TEX14: variants seen among roughly 807,000 people sequenced by gnomAD.
TEX14 encodes the protein testis expressed 14, intercellular bridge forming factor, also known as inactive serine/threonine-protein kinase TEX14.
A neutral mutation model predicts 178.6 loss-of-function variants in TEX14; 168 were observed. That is an observed-to-expected ratio of 0.94 (90% CI 0.83 to 1.07). The LOEUF (loss-of-function observed/expected upper bound fraction) is 1.07. TEX14 is among the 50% of genes least tolerant of loss of function. TEX14 has a pLI of 0.00. For synonymous variants in TEX14, 626 were observed against 634.1 expected (o/e 0.99, Z 0.19); for missense variants, 1,730 against 1,753.6 (o/e 0.99, Z 0.24).
chr17:58,640,525 G>A (rs897860001), intron 2 of TEX14, among the ~76,000 whole-genome samples: 2 of 151,864 alleles, frequency 1.3e-5, no homozygotes, highest in African/African-American at 2.4e-5. Flanking sequence ...GTTTTTCTAC[G>A]TGCTAAGCAC....
At chr17:58,657,468 A>G (rs185112801) in intron 1 of TEX14, among the ~76,000 whole-genome samples, 30 of 107,804 alleles carry the variant, frequency 2.8e-4, no homozygotes, top group Non-Finnish European at 4.4e-4. Context: ...TGTCATGTGT[A>G]TATTATAATT....
intron 19 of TEX14, among the ~76,000 whole-genome samples, chr17:58,581,441 C>T (rs1016781836): frequency 6.6e-6 from 1 of 151,922 alleles, no homozygotes; most frequent in Non-Finnish European, 1.5e-5. Flanking sequence ...AGATGTTTTT[C>T]AAAACACGTA....
intron 2 of TEX14, among the ~76,000 whole-genome samples, chr17:58,632,148 T>G (rs1306498414): frequency 6.6e-6 from 1 of 152,182 alleles, no homozygotes; most frequent in Non-Finnish European, 1.5e-5. Flanking sequence ...CCAGAAACCG[T>G]CAGGGAAACT....
rs1474527419 is a variant in TEX14 at position 58,682,996 on chromosome 17, T to C, written c.-2+8943A>G. Among the ~76,000 whole-genome samples the C allele has an allele frequency of 4.1e-5, 6 of 147,140 alleles. No homozygotes were observed. In the East Asian group the frequency reaches 6.0e-4, roughly 15 times the overall value. ...GCACTTTGAGAGGCCAAGGTTGCAA[T>C]GTGTCGAGATCGCGCCATTGCACTC... is the stretch of plus-strand genomic sequence containing the variant. On this transcript the variant is annotated intron_variant, in intron 1 of 31. Coordinates refer to ENST00000349033, the MANE Select transcript of TEX14 (RefSeq NM_031272.5).
chr17:58,691,869 G>A (rs1490242030), intron 1 of TEX14, 70 bp downstream of exon 1: 3 of 152,162 alleles, frequency 2.0e-5, no homozygotes, highest in Non-Finnish European at 4.4e-5. Flanking sequence ...AGGAGCTCTT[G>A]TGTAGCCCAG....
intron 14 of TEX14, among the ~76,000 whole-genome samples, chr17:58,598,112 G>A (rs1048853861): frequency 4.6e-5 from 7 of 151,984 alleles, no homozygotes; most frequent in South Asian, 2.1e-4. Flanking sequence ...TCAGGAGTTC[G>A]AGACCAGCGG....
chr17:58,584,779 C>G (rs2044912370), intron 18 of TEX14, among the ~76,000 whole-genome samples, 179 bp from the exon 19 acceptor site: 1 of 152,220 alleles, frequency 6.6e-6, no homozygotes, highest in South Asian at 2.1e-4. Flanking sequence ...CCCCAAAATG[C>G]AGCCCTGGAT....
At chr17:58,627,689 G>A (rs1335430028) in intron 3 of TEX14, among the ~76,000 whole-genome samples, 4 of 149,064 alleles carry the variant, frequency 2.7e-5, no homozygotes, top group African/African-American at 9.9e-5. Flanking sequence ...AGAATCGCTT[G>A]CACCTGGGAG....
intron 1 of TEX14, among the ~76,000 whole-genome samples, chr17:58,670,632 G>C (rs2047288124): frequency 6.6e-6 from 1 of 151,588 alleles, no homozygotes; most frequent in South Asian, 2.1e-4. Flanking sequence ...AATTAGCTGG[G>C]TGTGGTGGCA....
intron 1 of TEX14, among the ~76,000 whole-genome samples, chr17:58,670,435 AC>A (rs1377630606): frequency 2.6e-5 from 4 of 151,896 alleles, no homozygotes; most frequent in Admixed American, 2.6e-4. Flanking sequence ...AAAAAAAAAA[AC>A]AACAAACAGC....
chr17:58,644,540 C>T (rs1278482576), intron 2 of TEX14, among the ~76,000 whole-genome samples: 1 of 150,334 alleles, frequency 6.7e-6, no homozygotes, highest in Non-Finnish European at 1.5e-5. Flanking sequence ...CCATGTTGGT[C>T]AAGCTGTCAA....
At chr17:58,641,488 T>TTTATTATTA (rs373086043) in intron 2 of TEX14, among the ~76,000 whole-genome samples, 11,505 of 143,538 alleles carry the variant, frequency 0.08, 520 homozygotes, top group Admixed American at 0.097. Context: ...TTCTCTTTTA[T>TTTATTATTA]TTATTATTAT....
chr17:58,631,690 GCAGTTAGAATAACGCAACACCAAACA>G (rs2046305213), intron 2 of TEX14: 1 of 150,636 alleles, frequency 6.6e-6, no homozygotes, highest in Admixed American at 6.6e-5. Flanking sequence ...ACAGCAAACA[GCAGTTAGAATAACGCAACACCAAACA>G]CTGCTATCCC....
At chr17:58,668,003 AG>A (rs1348811847) in intron 1 of TEX14, among the ~76,000 whole-genome samples, 7 of 151,920 alleles carry the variant, frequency 4.6e-5, no homozygotes, top group African/African-American at 1.2e-4. Context: ...ATCCAGTTTT[AG>A]TAAAGGAACC....
intron 1 of TEX14, among the ~76,000 whole-genome samples, chr17:58,673,431 C>T (rs572364344): frequency 1.6e-4 from 24 of 151,480 alleles, no homozygotes; most frequent in South Asian, 6.3e-4. Flanking sequence ...TGCAGTGAGC[C>T]GAGATCACGC....
At chr17:58,623,669 C>T (rs1327489512) in intron 3 of TEX14, among the ~76,000 whole-genome samples, 1 of 151,532 alleles carries the variant, frequency 6.6e-6, no homozygotes, top group Non-Finnish European at 1.5e-5. Context: ...CCTGGCTACA[C>T]ATCAGAATCA....
chr17:58,563,705 C>A (rs1445767364), intron 28 of TEX14, among the ~76,000 whole-genome samples: 18 of 52,740 alleles, frequency 3.4e-4, no homozygotes, highest in Middle Eastern at 0.013. Context: ...AGAGAGAGCG[C>A]AAGATCATAC....
intron 14 of TEX14, among the ~76,000 whole-genome samples, chr17:58,597,126 G>A (rs1340691076): frequency 6.6e-6 from 1 of 152,104 alleles, no homozygotes; most frequent in African/African-American, 2.4e-5. Flanking sequence ...GGCCAGGCAC[G>A]GTGGCTCATG....
At chr17:58,654,570 G>T (rs376054407) in intron 1 of TEX14, among the ~76,000 whole-genome samples, 1 of 147,800 alleles carries the variant, frequency 6.8e-6, no homozygotes, top group Non-Finnish European at 1.5e-5. Context: ...GTAGTGGCAC[G>T]ATCTCAGCTC....
Sources: allele counts gnomAD v4.1 joint callset (sites outside exome capture counted in the v4.1 genomes callset), GRCh38; gene constraint gnomAD v4.1.1; transcripts MANE v1.5; gene names NCBI Gene and HGNC (gene_info 2026-07-23, HGNC 2026-07-21).